The following ITSN2 variants were observed in gnomAD, a reference collection of about 807,000 sequenced individuals.
ITSN2 encodes the protein intersectin 2.
A neutral mutation model predicts 243.7 loss-of-function variants in ITSN2; 156 were observed. That is an observed-to-expected ratio of 0.64 (90% confidence interval 0.56 to 0.73). The LOEUF (loss-of-function observed/expected upper bound fraction) is 0.73, where lower values mean the gene tolerates loss of function less well. Among genes scored for constraint, ITSN2 ranks in the 30% least tolerant of loss-of-function variants. ITSN2 has a pLI of 0.00. For missense variants in ITSN2, 1,801 were observed against 1,996.1 expected (o/e 0.90, Z 1.86); for synonymous variants, 703 against 699.9 (o/e 1.00, Z -0.07).
chr2:24,308,064 A>AT (rs1191622718), intron 8 of ITSN2, among the ~76,000 whole-genome samples: 1 of 152,184 alleles, frequency 6.6e-6, no homozygotes, highest in East Asian at 1.9e-4. Flanking sequence ...CTACTTGCCT[A>AT]TTACCCTCTG....
At chr2:24,316,961 T>C (rs1408299437) in intron 2 of ITSN2, among the ~76,000 whole-genome samples, 1 of 152,166 alleles carries the variant, frequency 6.6e-6, no homozygotes, top group Non-Finnish European at 1.5e-5. Context: ...GATAGTCCCA[T>C]TTTGGGGAGG....
chr2:24,246,985 G>A, intron 27 of ITSN2, 92 bp from the exon 28 acceptor site: 1 of 859,520 alleles, frequency 1.2e-6, no homozygotes, highest in Non-Finnish European at 1.8e-6. Flanking sequence ...CCATAAATGT[G>A]TAGTAAATAA....
chr2:24,315,653 C>T (rs1683822945), intron 2 of ITSN2, among the ~76,000 whole-genome samples: 1 of 152,106 alleles, frequency 6.6e-6, no homozygotes, highest in South Asian at 2.1e-4. Context: ...AGAGGAGGGG[C>T]CTGGTGGGAG....
intron 25 of ITSN2, among the ~76,000 whole-genome samples, chr2:24,251,822 T>C (rs1334517439): frequency 6.6e-6 from 1 of 151,956 alleles, no homozygotes; most frequent in African/African-American, 2.4e-5. Flanking sequence ...ATACGGTAAA[T>C]ATCATTAGCT....
At chr2:24,266,715 G>A (rs1192230393) in intron 20 of ITSN2, among the ~76,000 whole-genome samples, 1 of 151,134 alleles carries the variant, frequency 6.6e-6, no homozygotes, top group African/African-American at 2.4e-5. Context: ...GGTTGCTTGA[G>A]GCCAGGAGTT....
chr2:24,323,054 AAAC>A (rs1684766096), intron 2 of ITSN2, among the ~76,000 whole-genome samples: 2 of 152,232 alleles, frequency 1.3e-5, no homozygotes, highest in African/African-American at 4.8e-5. Context: ...TTAAAAAAAA[AAAC>A]AACACGGAGT....
intron 8 of ITSN2, among the ~76,000 whole-genome samples, chr2:24,304,521 C>T (rs1682230493): frequency 1.3e-5 from 2 of 151,920 alleles, no homozygotes; most frequent in South Asian, 4.1e-4. Context: ...TAACATAAAT[C>T]ACATAAAAAC....
chr2:24,212,837 C>G (rs1197668214), intron 32 of ITSN2, 89 bp from the exon 33 acceptor site: 4 of 1,055,138 alleles, frequency 3.8e-6, no homozygotes, highest in South Asian at 1.3e-5. Context: ...TTTCACATTT[C>G]TTTTATTTAT....
At chr2:24,290,470 A>T (rs1680099943) in intron 15 of ITSN2, among the ~76,000 whole-genome samples, 1 of 152,168 alleles carries the variant, frequency 6.6e-6, no homozygotes, top group South Asian at 2.1e-4. Context: ...GCTGTCTTTC[A>T]TTATGATGTT....
chr2:24,266,117 T>A (rs983012857), intron 20 of ITSN2, among the ~76,000 whole-genome samples: 6 of 152,238 alleles, frequency 3.9e-5, no homozygotes, highest in Non-Finnish European at 7.3e-5. Context: ...CCTTCCTCCA[T>A]CCTATCCTTG....
chr2:24,209,088 G>T lies in ITSN2; in HGVS notation c.4595+12C>A, dbSNP rs192151733. Reference sequence around the variant, plus strand: ...CAGAGTTCAAGGCAGGCCACACATGGTCAGGACTGACCTCTCATTAATGTT... The same window carrying T: ...CAGAGTTCAAGGCAGGCCACACATGTTCAGGACTGACCTCTCATTAATGTT... On this transcript the variant is annotated intron_variant, in intron 36 of 39. Coordinates refer to ENST00000355123, the MANE Select transcript of ITSN2 (RefSeq NM_006277.3). 7.0e-4 allele frequency: 1,125 copies of T among 1,613,824 alleles called. 2 individuals are homozygous for T. The highest frequency in any genetic ancestry group is 8.7e-4 in the Non-Finnish European group (1,021 of 1,179,824).
chr2:24,216,306 G>T (rs1447147500), intron 31 of ITSN2, 74 bp from the exon 32 acceptor site: 1 of 1,218,006 alleles, frequency 8.2e-7, no homozygotes, highest in Non-Finnish European at 1.1e-6. Flanking sequence ...TCCCATGGCA[G>T]ACCAATGGTA....
At position 24,257,957 on chromosome 2, in the gene ITSN2, T is replaced by C; in HGVS notation, c.2819A>G (p.His940Arg). The C allele has an allele frequency of 6.2e-7, 1 of 1,614,116 alleles. No homozygotes were observed. Residue 940 changes from histidine (H) to arginine (R), a missense_variant, in exon 23 of 40, where the codon CAT becomes CGT. By Grantham distance (29) the His-to-Arg change is conservative (BLOSUM62 0). This residue lies in a region of ITSN2 where 928 missense variants were observed against 1,065.4 expected (regional missense o/e 0.87). Transcript: ENST00000355123. ...QQENWWFGEVHGGRGWFPKSY... is the reference protein window; with the variant it reads ...QQENWWFGEVRGGRGWFPKSY... Reference sequence around the variant, plus strand: ...TTTGGGAAACCATCCTCTTCCTCCATGCACCTCCCCAAACCACCAATTTTC... The same window carrying C: ...TTTGGGAAACCATCCTCTTCCTCCACGCACCTCCCCAAACCACCAATTTTC...
At chr2:24,213,391 G>T (rs1396047088) in intron 32 of ITSN2, among the ~76,000 whole-genome samples, 1 of 152,194 alleles carries the variant, frequency 6.6e-6, no homozygotes, top group Non-Finnish European at 1.5e-5. Context: ...ACTGCCTGAA[G>T]ACAGCAGCTG....
chr2:24,320,857 C>T (rs1327599799), intron 2 of ITSN2, among the ~76,000 whole-genome samples: 1 of 152,104 alleles, frequency 6.6e-6, no homozygotes, highest in Non-Finnish European at 1.5e-5. Context: ...CAGCTGAGAA[C>T]ACTGCAAGCT....
chr2:24,303,157 CCTT>C (rs1254875082), intron 9 of ITSN2, among the ~76,000 whole-genome samples: 1 of 152,096 alleles, frequency 6.6e-6, no homozygotes, highest in African/African-American at 2.4e-5. Flanking sequence ...AGAGTATACT[CCTT>C]CTACTTACAG....
At chr2:24,351,900 T>C (rs1688050550) in intron 1 of ITSN2, among the ~76,000 whole-genome samples, 1 of 152,166 alleles carries the variant, frequency 6.6e-6, no homozygotes, top group Non-Finnish European at 1.5e-5. Context: ...GAGAAGCCAC[T>C]TCCTTCAAGT....
At chr2:24,223,993 C>T (rs1670774261) in intron 29 of ITSN2, among the ~76,000 whole-genome samples, 1 of 152,042 alleles carries the variant, frequency 6.6e-6, no homozygotes, top group South Asian at 2.1e-4. Context: ...GGGGGAACTG[C>T]AGAGGGTAAC....
At chr2:24,301,503 A>T (rs1327549047) in intron 10 of ITSN2, among the ~76,000 whole-genome samples, 1 of 151,844 alleles carries the variant, frequency 6.6e-6, no homozygotes, top group Non-Finnish European at 1.5e-5. Flanking sequence ...CTTATGTATA[A>T]CATAATGAAA....
Sources: gnomAD v4.1 joint callset for allele counts (sites outside exome capture counted in the v4.1 genomes callset) on GRCh38, gnomAD v4.1.1 for gene constraint, gnomAD v4.1.1 regional missense constraint, MANE v1.5 for transcripts, NCBI Gene and HGNC (gene_info 2026-07-23, HGNC 2026-07-21) for gene names.